Variants in SCMH1 observed in about 807,000 individuals in gnomAD.
SCMH1 encodes Scm polycomb group protein homolog 1, also known as polycomb protein SCMH1.
In SCMH1, 37 loss-of-function variants were observed where a neutral mutation model predicts 70.8. The ratio of observed to expected loss-of-function variants is 0.52; its 90% CI spans 0.40 to 0.69. The LOEUF (loss-of-function observed/expected upper bound fraction) is 0.69. Among genes scored for constraint, SCMH1 ranks in the 30% least tolerant of loss-of-function variants. The pLI is 0.00. For missense variants in SCMH1, 607 were observed against 827.3 expected, an observed-to-expected ratio of 0.73 and a Z score of 3.27; for synonymous variants, 292 against 307.4, an observed-to-expected ratio of 0.95 and a Z score of 0.52.
intron 4 of SCMH1, chr1:41,159,667 A>G (rs1167221375): frequency 8.7e-6 from 13 of 1,486,660 alleles, no homozygotes; most frequent in African/African-American, 2.9e-5. Flanking sequence ...AAGCTTGAGG[A>G]AAGTTTTAAA....
chr1:41,225,481 C>T (rs1660086152), intron 1 of SCMH1, among the ~76,000 whole-genome samples: 1 of 152,098 alleles, frequency 6.6e-6, no homozygotes, highest in Admixed American at 6.5e-5. Context: ...TAAAGATAGA[C>T]AGGACTAGAA....
intron 8 of SCMH1, among the ~76,000 whole-genome samples, chr1:41,090,885 A>T (rs1663239987): frequency 6.6e-6 from 1 of 152,006 alleles, no homozygotes; most frequent in African/African-American, 2.4e-5. Context: ...TAAAAATACA[A>T]AAAATTAGCT....
chr1:41,073,738 G>T (rs1429430618), intron 9 of SCMH1, among the ~76,000 whole-genome samples: 1 of 151,828 alleles, frequency 6.6e-6, no homozygotes, highest in African/African-American at 2.4e-5. Flanking sequence ...TGAGATATAA[G>T]GTACCACAGG....
At chr1:41,065,615 T>C (rs114274197) in intron 10 of SCMH1, among the ~76,000 whole-genome samples, 1,673 of 152,232 alleles carry the variant, frequency 0.011, 39 homozygotes, top group African/African-American at 0.038. Flanking sequence ...GCCTAAAGTA[T>C]AGACAGATCA....
intron 4 of SCMH1, among the ~76,000 whole-genome samples, chr1:41,155,581 C>T (rs1027437380): frequency 1.3e-5 from 2 of 152,064 alleles, no homozygotes; most frequent in African/African-American, 2.4e-5. Context: ...ATTAATTATA[C>T]AATTCCTGGC....
At chr1:41,194,927 T>C (rs1365922653) in intron 1 of SCMH1, among the ~76,000 whole-genome samples, 1 of 149,676 alleles carries the variant, frequency 6.7e-6, no homozygotes, top group Non-Finnish European at 1.5e-5. Context: ...GGATCGGGAG[T>C]TCAAGTCCAG....
intron 1 of SCMH1, among the ~76,000 whole-genome samples, chr1:41,206,437 A>T (rs1333729933): frequency 6.6e-6 from 1 of 152,226 alleles, no homozygotes; most frequent in East Asian, 1.9e-4. Flanking sequence ...AGTGGAAGAA[A>T]GGATATCAGT....
chr1:41,218,920 T>C (rs540008711), intron 1 of SCMH1, among the ~76,000 whole-genome samples: 1 of 152,334 alleles, frequency 6.6e-6, no homozygotes, highest in East Asian at 1.9e-4. Context: ...TAAATATCTT[T>C]GTTATTCATA....
At chr1:41,123,209 G>A (rs1672367650) in intron 6 of SCMH1, among the ~76,000 whole-genome samples, 2 of 152,092 alleles carry the variant, frequency 1.3e-5, no homozygotes, top group African/African-American at 4.8e-5. Flanking sequence ...GTGACACAGC[G>A]AGACTCTGCC....
intron 1 of SCMH1, among the ~76,000 whole-genome samples, chr1:41,237,225 T>A (rs1662563030): frequency 6.6e-6 from 1 of 152,192 alleles, no homozygotes; most frequent in Non-Finnish European, 1.5e-5. Flanking sequence ...AAAGACAGAA[T>A]TTGAAATTAG....
intron 6 of SCMH1, among the ~76,000 whole-genome samples, chr1:41,140,827 A>G (rs1463323047): frequency 6.6e-6 from 1 of 152,226 alleles, no homozygotes; most frequent in African/African-American, 2.4e-5. Context: ...GCTATCAAAT[A>G]GTATCAAACA....
chr1:41,145,813 T>C (rs1451737585), intron 5 of SCMH1, among the ~76,000 whole-genome samples: 1 of 152,174 alleles, frequency 6.6e-6, no homozygotes, highest in Non-Finnish European at 1.5e-5. Flanking sequence ...GAGCAACACA[T>C]TACTCACATT....
rs1173584392 is a variant in SCMH1, at chr1:41,027,981, C to T, written c.*213G>A. ...CCCGGCAGAGCTGAGGGAAGAGCAG[C>T]ACCAGCCCTGGACCCCCACTCTCCC... On this transcript the variant is annotated 3_prime_UTR_variant, in exon 15 of 15. Transcript: ENST00000337495. 6.8e-6 allele frequency: 4 copies of T among 589,768 alleles called. No homozygotes were observed. The African/African-American group carries it at 7.5e-5, about 11-fold the overall frequency. 36.5% of individuals were successfully genotyped at this position (589,768 alleles called of 1,614,324 possible). A position where few individuals can be genotyped will look rare whatever the true frequency, so the allele number is the denominator to read the frequency against.
intron 8 of SCMH1, among the ~76,000 whole-genome samples, chr1:41,093,765 A>G (rs1664321370): frequency 6.6e-6 from 1 of 152,230 alleles, no homozygotes; most frequent in South Asian, 2.1e-4. Context: ...TGGTATCACC[A>G]CAATCTCATC....
intron 10 of SCMH1, among the ~76,000 whole-genome samples, chr1:41,055,241 G>A (rs781128619): frequency 1.3e-5 from 2 of 152,176 alleles, no homozygotes; most frequent in Non-Finnish European, 2.9e-5. Flanking sequence ...TTTTCTTATG[G>A]AAAACAAGGA....
chr1:41,131,774 A>T (rs753000187), intron 6 of SCMH1, among the ~76,000 whole-genome samples: 15 of 151,882 alleles, frequency 9.9e-5, no homozygotes, highest in Non-Finnish European at 2.1e-4. Context: ...TCATTGTTCA[A>T]CTCGCACTTA....
At chr1:41,070,610 T>A in exon 10 of SCMH1, 2 of 1,614,142 alleles carry the variant, frequency 1.2e-6, no homozygotes, top group East Asian at 2.2e-5. Flanking sequence ...GGGGCCTGCA[T>A]GGCTGAGCTG....
chr1:41,143,019 C>T (rs1335134812), exon 6 of SCMH1: 2 of 1,614,040 alleles, frequency 1.2e-6, no homozygotes, highest in African/African-American at 2.7e-5. Context: ...GTCAGTCCAA[C>T]TACTGTGGCA....
intron 4 of SCMH1, chr1:41,152,579 A>T (rs1005876641): frequency 1.2e-6 from 2 of 1,613,112 alleles, no homozygotes; most frequent in East Asian, 4.5e-5. Context: ...ACCAATTACC[A>T]GTCTCCCCCT....
Sources: allele counts gnomAD v4.1 joint callset (sites outside exome capture counted in the v4.1 genomes callset), GRCh38; gene constraint gnomAD v4.1.1; transcripts MANE v1.5; gene names NCBI Gene and HGNC (gene_info 2026-07-23, HGNC 2026-07-21).